The following KDM5A variants were observed in gnomAD, a reference collection of about 807,000 sequenced individuals.
KDM5A encodes the protein lysine-specific demethylase 5A.
A neutral mutation model predicts 193.5 loss-of-function variants in KDM5A; 42 were observed. The observed-to-expected ratio is 0.22, with a 90% CI of 0.17 to 0.28. The LOEUF (loss-of-function observed/expected upper bound fraction) is 0.28. Ranked by LOEUF, KDM5A falls within the 10% of genes least tolerant of loss-of-function variation. The pLI is 1.00. For synonymous variants in KDM5A, 796 were observed against 718.1 expected (o/e 1.11, Z -1.73); for missense variants, 1,692 against 2,055.1 (o/e 0.82, Z 3.42).
chr12:342,634 A>AT (rs201881035), intron 10 of KDM5A, among the ~76,000 whole-genome samples: 5 of 151,692 alleles, frequency 3.3e-5, no homozygotes, highest in African/African-American at 7.3e-5. Flanking sequence ...TAATTTTTGT[A>AT]TTTTTTTAGT....
chr12:313,461 TC>T (rs1435474013), intron 19 of KDM5A, among the ~76,000 whole-genome samples: 2 of 152,148 alleles, frequency 1.3e-5, no homozygotes, highest in Non-Finnish European at 2.9e-5. Context: ...AAAGTTATTT[TC>T]CCCGGTCATT....
At chr12:338,956 G>C (rs1219727510) in intron 10 of KDM5A, among the ~76,000 whole-genome samples, 1 of 152,138 alleles carries the variant, frequency 6.6e-6, no homozygotes, top group Non-Finnish European at 1.5e-5. Flanking sequence ...AAGGAGGGCA[G>C]ATCACCTGAG....
intron 20 of KDM5A, 85 bp from the exon 21 acceptor site, chr12:311,149 TGTTA>T: frequency 1.7e-6 from 2 of 1,173,046 alleles, no homozygotes; most frequent in Non-Finnish European, 2.5e-6. Flanking sequence ...CAAAGTTTAG[TGTTA>T]GTTCTTTTAT....
intron 10 of KDM5A, among the ~76,000 whole-genome samples, chr12:344,820 T>C (rs944329789): frequency 6.6e-6 from 1 of 152,094 alleles, no homozygotes; most frequent in Non-Finnish European, 1.5e-5. Flanking sequence ...ACAAGCCAAA[T>C]TGAAAAGACC....
Position 332,377 on chromosome 12 carries a change from T to C in KDM5A, c.1654-439A>G, listed in dbSNP as rs16929802. Among the ~76,000 whole-genome samples the C allele has an allele frequency of 2.8e-3, 428 of 152,328 alleles. 13 individuals are homozygous for C. In the East Asian group the frequency reaches 0.065, roughly 23 times the overall value. ...CCAATGAGATGTCCCCAAAATCAGT[T>C]TTCCTGAAATCTCACTTTGTTTTAC... is the stretch of plus-strand genomic sequence containing the variant. On this transcript the variant is annotated intron_variant, in intron 12 of 27. Coordinates refer to ENST00000399788, the MANE Select transcript of KDM5A (RefSeq NM_001042603.3).
At chr12:365,860 T>C in intron 4 of KDM5A, 74 bp downstream of exon 4, 1 of 1,504,002 alleles carries the variant, frequency 6.6e-7, no homozygotes, top group Non-Finnish European at 9.2e-7. Flanking sequence ...TAACTTGGGT[T>C]AAACACAGTC....
At chr12:344,163 T>C (rs1025506691) in intron 10 of KDM5A, among the ~76,000 whole-genome samples, 2 of 152,122 alleles carry the variant, frequency 1.3e-5, no homozygotes, top group African/African-American at 2.4e-5. Context: ...AGAAAGGGTA[T>C]CAGTGATTGA....
intron 3 of KDM5A, among the ~76,000 whole-genome samples, chr12:366,675 C>T (rs1181585992): frequency 2.0e-5 from 3 of 152,064 alleles, no homozygotes; most frequent in African/African-American, 2.4e-5. Context: ...TTTACCGATA[C>T]GGAGTACAGA....
chr12:324,464 A>C (rs116725867), intron 14 of KDM5A, among the ~76,000 whole-genome samples: 4,442 of 152,320 alleles, frequency 0.029, 83 homozygotes, highest in Middle Eastern at 0.044. Context: ...CAAAAGTAAC[A>C]CTGACATATA....
intron 10 of KDM5A, among the ~76,000 whole-genome samples, chr12:343,014 T>C (rs1944026616): frequency 6.6e-6 from 1 of 152,096 alleles, no homozygotes; most frequent in Non-Finnish European, 1.5e-5. Context: ...GGATTTCCCT[T>C]TCCTAGCCAA....
At chr12:294,092 G>T (rs897450021) in intron 26 of KDM5A, among the ~76,000 whole-genome samples, 2 of 152,056 alleles carry the variant, frequency 1.3e-5, no homozygotes, top group African/African-American at 4.8e-5. Flanking sequence ...TTTTTAAAAA[G>T]TCAGAAAAAC....
At chr12:367,951 AAAG>A (rs1263023740) in intron 3 of KDM5A, among the ~76,000 whole-genome samples, 6 of 152,198 alleles carry the variant, frequency 3.9e-5, no homozygotes, top group African/African-American at 1.2e-4. Flanking sequence ...CAAAGAACTG[AAAG>A]GAGGGACTCA....
In KDM5A at chr12:307,568, G is replaced by A. The variant is rs1157167637; in HGVS notation, c.3816C>T (p.Ala1272=). Residue 1272 remains alanine, a synonymous_variant, in exon 23 of 28, where the codon GCC becomes GCT. Transcript: ENST00000399788. The surrounding 1 kb of genome is among the most constrained non-coding windows in gnomAD (Gnocchi z 4.3). ...QALATDELSS[A]LAKLSVLSQR... Reference sequence around the variant, plus strand: ...GGCTCAACACAGATAGTTTGGCCAGGGCAGAGGATAGTTCATCTGTGGCTA... The same window carrying A: ...GGCTCAACACAGATAGTTTGGCCAGAGCAGAGGATAGTTCATCTGTGGCTA... 2.5e-6 allele frequency: 4 copies of A among 1,613,976 alleles called. No homozygotes were observed. The Admixed American group carries it at 6.7e-5, about 27-fold the overall frequency.
chr12:318,528 G>A, intron 18 of KDM5A, 67 bp from the exon 19 acceptor site: 1 of 1,226,576 alleles, frequency 8.2e-7, no homozygotes, highest in Non-Finnish European at 1.2e-6. Context: ...GTATGAAATA[G>A]ACATAGTCAA....
intron 4 of KDM5A, 54 bp from the exon 5 acceptor site, chr12:363,151 G>A (rs2137467090): frequency 6.2e-7 from 1 of 1,607,158 alleles, no homozygotes; most frequent in Non-Finnish European, 8.5e-7. Context: ...AAATCATGCT[G>A]GAGAATCAGT....
intron 18 of KDM5A, among the ~76,000 whole-genome samples, chr12:319,603 T>G (rs932738872): frequency 6.6e-6 from 1 of 151,838 alleles, no homozygotes; most frequent in African/African-American, 2.4e-5. Flanking sequence ...CATACAAAAA[T>G]TAGCCAGGCG....
rs1279359642 is a variant in KDM5A, at chr12:341,899, C to CA, written c.1309-7478dup. On this transcript the variant is annotated intron_variant, in intron 10 of 27. Coordinates refer to ENST00000399788, the MANE Select transcript of KDM5A (RefSeq NM_001042603.3). Reference sequence around the variant, plus strand: ...GGGCAACAGGGCAAGACTCTGTCTCCAAAAAAAAAAAAAGAGAGAGAGAGA... The same window carrying CA: ...GGGCAACAGGGCAAGACTCTGTCTCCAAAAAAAAAAAAAAGAGAGAGAGAGA... 4.3e-3 allele frequency among the ~76,000 whole-genome samples: 480 copies of CA among 111,084 alleles called. 3 individuals are homozygous for CA. Among genetic ancestry groups the CA allele is most frequent in the South Asian group, 0.015 (48 of 3,308 alleles). 72.9% of individuals were successfully genotyped at this position (111,084 alleles called of 152,430 possible).
chr12:311,302 G>C (rs1025683316), intron 20 of KDM5A: 1 of 516,150 alleles, frequency 1.9e-6, no homozygotes, highest in Non-Finnish European at 3.5e-6. Flanking sequence ...AGTACCAGTA[G>C]ATATAACAAC....
chr12:366,103 A>T lies in KDM5A; in HGVS notation c.368T>A (p.Ile123Asn). Residue 123 changes from isoleucine (I) to asparagine (N), a missense_variant and splice_region_variant, in exon 4 of 28, where the codon ATT becomes AAT. This residue lies in a region of KDM5A where 120 missense variants were observed against 172.0 expected (regional missense o/e 0.70). Coordinates refer to ENST00000399788, the MANE Select transcript of KDM5A (RefSeq NM_001042603.3). ...KILDLYALSK[I>N]VASKGGFEMV... ...TTCAAAACCTCCTTTGCTGGCAACA[A>T]TCTGAAAAGAAAGTAAAAGTTGCTT... 6.2e-7 allele frequency: 1 copy of T among 1,613,946 alleles called. No individual in the cohort carries two copies. Among genetic ancestry groups the T allele is most frequent in the Middle Eastern group, 1.7e-4 (1 of 6,060 alleles).
Sources: allele counts gnomAD v4.1 joint callset (sites outside exome capture counted in the v4.1 genomes callset), GRCh38; gene constraint gnomAD v4.1.1; regional missense constraint gnomAD v4.1.1; non-coding constraint Gnocchi (gnomAD v3.1); transcripts MANE v1.5; gene names NCBI Gene and HGNC (gene_info 2026-07-23, HGNC 2026-07-21).